Variants in ERICH1 observed in about 807,000 individuals in gnomAD.
The protein encoded by ERICH1 is glutamate-rich protein 1.
ERICH1 carries 56 observed loss-of-function variants against 39.6 expected under a neutral mutation model. The ratio of observed to expected loss-of-function variants is 1.41; its 90% CI spans 1.14 to 1.77. The LOEUF (loss-of-function observed/expected upper bound fraction) is 1.77. Ranked by LOEUF, ERICH1 falls within the 40% of genes most tolerant of loss-of-function variation. ERICH1 has a pLI of 0.00. For synonymous variants in ERICH1, 313 were observed against 223.6 expected, an observed-to-expected ratio of 1.40 and a Z score of -3.57; for missense variants, 826 against 575.4, an observed-to-expected ratio of 1.44 and a Z score of -4.45.
intron 1 of ERICH1, among the ~76,000 whole-genome samples, chr8:726,872 T>G (rs1251349241): frequency 1.4e-5 from 2 of 138,040 alleles, no homozygotes; most frequent in Non-Finnish European, 3.1e-5. Context: ...CAGATACACA[T>G]GCACACACAT....
downstream of ERICH1, among the ~76,000 whole-genome samples, chr8:659,816 T>C (rs554267705): frequency 2.1e-5 from 1 of 47,428 alleles, no homozygotes; most frequent in Non-Finnish European, 4.0e-5. Flanking sequence ...ACCATCGAGA[T>C]CTCCGGTGTG....
Position 664,263 on chromosome 8 carries a change from G to C in ERICH1, c.*340C>G, listed in dbSNP as rs1048341066. On this transcript the variant is annotated 3_prime_UTR_variant, in exon 6 of 6. Transcript: ENST00000262109. ...TTAAAGCAGAGACTTTCAGATACAA[G>C]GTGATTCAAAACTTCATAAAAATAT... 6.0e-6 allele frequency: 6 copies of C among 1,006,922 alleles called. No individual in the cohort carries two copies. In the African/African-American group the frequency reaches 8.6e-5, roughly 14 times the overall value. The allele number at this position is 1,006,922 out of a possible 1,614,324, so 62.4% of individuals were successfully genotyped here.
At chr8:700,959 G>C (rs914616238) in intron 2 of ERICH1, among the ~76,000 whole-genome samples, 5 of 152,266 alleles carry the variant, frequency 3.3e-5, no homozygotes, top group Admixed American at 1.3e-4. Flanking sequence ...AAATGACAGA[G>C]GAAAAGCAGC....
intron 3 of ERICH1, among the ~76,000 whole-genome samples, chr8:688,287 C>CCCCGG (rs1808026857): frequency 6.9e-6 from 1 of 145,840 alleles, no homozygotes; most frequent in Admixed American, 6.7e-5. Context: ...CCCCGCCCCG[C>CCCCGG]CCCGGCCCTT....
At chr8:622,463 C>G (rs1797344535) in intron 3 of ERICH1, among the ~76,000 whole-genome samples, 1 of 152,150 alleles carries the variant, frequency 6.6e-6, no homozygotes, top group South Asian at 2.1e-4. Flanking sequence ...GACACCATAT[C>G]TATGAAGCAG....
At chr8:667,809 C>T (rs1039042495) in intron 5 of ERICH1, 1 of 152,570 alleles carries the variant, frequency 6.6e-6, no homozygotes, top group Non-Finnish European at 1.5e-5. Context: ...AATGTGGTTT[C>T]TACGGACAGA....
chr8:688,343 T>C (rs1161307864), intron 3 of ERICH1, among the ~76,000 whole-genome samples: 2 of 34,010 alleles, frequency 5.9e-5, no homozygotes, highest in African/African-American at 1.1e-4. Flanking sequence ...CATCCCGCTC[T>C]ACGCTTAGCC....
intron 3 of ERICH1, among the ~76,000 whole-genome samples, chr8:623,958 C>A (rs749147817): frequency 6.6e-6 from 1 of 152,040 alleles, no homozygotes; most frequent in Non-Finnish European, 1.5e-5. Context: ...ATAAAGAAGA[C>A]AACATACAGA....
At chr8:686,142 G>T (rs945286951) in intron 3 of ERICH1, among the ~76,000 whole-genome samples, 3 of 152,138 alleles carry the variant, frequency 2.0e-5, no homozygotes, top group Non-Finnish European at 4.4e-5. Flanking sequence ...ATGACAGAGC[G>T]AGACTCCATC....
At chr8:712,703 CTGGG>C (rs1815033766) in intron 2 of ERICH1, among the ~76,000 whole-genome samples, 1 of 152,154 alleles carries the variant, frequency 6.6e-6, no homozygotes, top group African/African-American at 2.4e-5. Context: ...TCCCAAAGTG[CTGGG>C]TGTTTTTAAT....
intron 2 of ERICH1, among the ~76,000 whole-genome samples, chr8:703,744 G>C (rs898911267): frequency 7.2e-5 from 11 of 152,178 alleles, no homozygotes; most frequent in Non-Finnish European, 1.2e-4. Flanking sequence ...CCAGAAAGTG[G>C]TCTCAAATCA....
chr8:668,217 C>G, intron 5 of ERICH1: 1 of 286,532 alleles, frequency 3.5e-6, no homozygotes, highest in Middle Eastern at 1.3e-3. Flanking sequence ...GTCATCACCA[C>G]GTCAGGGGTT....
At chr8:678,845 C>T (rs945829107) in intron 3 of ERICH1, among the ~76,000 whole-genome samples, 5 of 152,140 alleles carry the variant, frequency 3.3e-5, no homozygotes, top group African/African-American at 9.7e-5. Context: ...CTTACATACC[C>T]GTTTCCAGAT....
Position 715,959 on chromosome 8 carries a change from C to A in ERICH1, c.71G>T (p.Gly24Val). Residue 24 changes from glycine (G) to valine (V), a missense_variant, in exon 2 of 6, where the codon GGC becomes GTC. By Grantham distance (109) the Gly-to-Val change is moderately radical (BLOSUM62 -3). Transcript: ENST00000262109. The part of the protein sequence containing the change: ...LQRLFPPVPS[G>V]QGKREPQTLA... ...CGTCTGGGGTTCCCTCTTTCCTTGG[C>A]CACTTGGAACAGGAGGAAAAAGTCT... is the stretch of plus-strand genomic sequence containing the variant. The A allele has an allele frequency of 1.9e-6, 3 of 1,613,876 alleles. No homozygotes were observed. The highest frequency in any genetic ancestry group is 2.2e-5 in the South Asian group (2 of 91,012).
Position 682,135 on chromosome 8 carries a change from T to C in ERICH1, c.305-8088A>G, listed in dbSNP as rs186620684. 3.7e-4 allele frequency among the ~76,000 whole-genome samples: 57 copies of C among 152,028 alleles called. 1 individual carries two copies. Among genetic ancestry groups the C allele is most frequent in the African/African-American group, 1.2e-3 (49 of 41,460 alleles). On this transcript the variant is annotated intron_variant, in intron 3 of 5. Coordinates refer to ENST00000262109, the MANE Select transcript of ERICH1 (RefSeq NM_207332.3). ...TGTAAAACCCCATTGTGGTGGTCCC[T>C]GCACCTAGGGTGATGTCCTGAATGA...
chr8:684,407 C>A (rs1356174951), intron 3 of ERICH1, among the ~76,000 whole-genome samples: 1 of 151,806 alleles, frequency 6.6e-6, no homozygotes, highest in African/African-American at 2.4e-5. Context: ...TAAATGTATC[C>A]ACAAAAAAAT....
At chr8:697,827 CAG>C (rs1810700231) in intron 2 of ERICH1, among the ~76,000 whole-genome samples, 4 of 152,204 alleles carry the variant, frequency 2.6e-5, no homozygotes, top group Admixed American at 2.6e-4. Context: ...AGAGACACAG[CAG>C]AGTGCGTGAT....
chr8:632,541 T>C (rs74590890), intron 3 of ERICH1, among the ~76,000 whole-genome samples: 1,850 of 152,278 alleles, frequency 0.012, 37 homozygotes, highest in African/African-American at 0.041. Flanking sequence ...CAGTGACTAC[T>C]AGAATAGAAT....
chr8:635,572 C>T (rs1281797152), intron 3 of ERICH1, among the ~76,000 whole-genome samples: 2 of 152,222 alleles, frequency 1.3e-5, no homozygotes, highest in East Asian at 1.9e-4. Context: ...TCGACCTGGA[C>T]GTAGTGGCCA....
Sources: allele counts gnomAD v4.1 joint callset (sites outside exome capture counted in the v4.1 genomes callset), GRCh38; gene constraint gnomAD v4.1.1; transcripts MANE v1.5; gene names NCBI Gene and HGNC (gene_info 2026-07-23, HGNC 2026-07-21).